The following SLCO3A1 variants were observed in gnomAD, a reference collection of about 807,000 sequenced individuals.
The protein encoded by SLCO3A1 is solute carrier organic anion transporter family member 3A1, also known as PGE1 transporter.
Under a neutral mutation model 63.1 loss-of-function variants are expected in SLCO3A1, and 27 were observed. That is an observed-to-expected ratio of 0.43 (90% CI 0.32 to 0.59). SLCO3A1 has a LOEUF of 0.59. Among genes scored for constraint, SLCO3A1 ranks in the 20% least tolerant of loss-of-function variants. The pLI is 0.09. For synonymous variants in SLCO3A1, 473 were observed against 409.9 expected, an observed-to-expected ratio of 1.15 and a Z score of -1.86; for missense variants, 773 against 945.8, an observed-to-expected ratio of 0.82 and a Z score of 2.40.
intron 2 of SLCO3A1, among the ~76,000 whole-genome samples, chr15:91,974,861 CTTCA>C (rs1901037719): frequency 1.3e-5 from 2 of 152,158 alleles, no homozygotes; most frequent in South Asian, 2.1e-4. Context: ...AAGACAGTTC[CTTCA>C]TTAAGAAAGC....
At position 92,103,556 on chromosome 15, in the gene SLCO3A1, C is replaced by T. The variant is rs569897341; in HGVS notation, c.746-723C>T. On this transcript the variant is annotated intron_variant, in intron 3 of 9. Transcript: ENST00000318445. ...ATTAATTAATGCATGGAAACAAAGG[C>T]CCCTCACCATAAATAACAGGCTACC... Among the ~76,000 whole-genome samples, 9 of 151,972 alleles carry T rather than the reference C, an allele frequency of 5.9e-5. No individual in the cohort carries two copies. In the South Asian group the frequency reaches 1.0e-3, roughly 18 times the overall value.
intron 2 of SLCO3A1, among the ~76,000 whole-genome samples, chr15:92,029,717 T>C (rs1166070669): frequency 1.3e-5 from 2 of 151,680 alleles, no homozygotes; most frequent in Non-Finnish European, 2.9e-5. Context: ...ACTGTGTAAA[T>C]GAATTATTTC....
chr15:91,911,167 G>A (rs1032004557), intron 1 of SLCO3A1, among the ~76,000 whole-genome samples: 1 of 152,186 alleles, frequency 6.6e-6, no homozygotes, highest in Non-Finnish European at 1.5e-5. Flanking sequence ...CTTTCCAGAA[G>A]GTGAGGCTCC....
At chr15:91,973,965 A>G (rs552434265) in intron 2 of SLCO3A1, among the ~76,000 whole-genome samples, 2 of 152,032 alleles carry the variant, frequency 1.3e-5, no homozygotes, top group African/African-American at 4.8e-5. Flanking sequence ...TTCTTTCTAC[A>G]TTTTCTATAT....
intron 8 of SLCO3A1, among the ~76,000 whole-genome samples, chr15:92,149,982 T>C (rs2048283291): frequency 6.6e-6 from 1 of 152,070 alleles, no homozygotes; most frequent in Non-Finnish European, 1.5e-5. Context: ...TTCTAAAGGG[T>C]GCTGACTGTG....
intron 8 of SLCO3A1, among the ~76,000 whole-genome samples, chr15:92,150,599 C>T (rs992297511): frequency 5.9e-5 from 9 of 151,868 alleles, no homozygotes; most frequent in African/African-American, 1.7e-4. Flanking sequence ...CCCCCCCATA[C>T]GTGTACCCCA....
At chr15:92,148,900 T>C (rs2048266931) in intron 8 of SLCO3A1, 1 of 152,234 alleles carries the variant, frequency 6.6e-6, no homozygotes, top group Non-Finnish European at 1.5e-5. Context: ...CTATTGAATT[T>C]AAAACTATTT....
chr15:91,924,160 C>T (rs1567188005), intron 2 of SLCO3A1, among the ~76,000 whole-genome samples: 1 of 152,158 alleles, frequency 6.6e-6, no homozygotes, highest in Non-Finnish European at 1.5e-5. Flanking sequence ...GCTCAGGGGT[C>T]ACAATCTTAA....
chr15:91,989,505 A>G (rs948885340), intron 2 of SLCO3A1, among the ~76,000 whole-genome samples: 1 of 152,236 alleles, frequency 6.6e-6, no homozygotes, highest in Non-Finnish European at 1.5e-5. Flanking sequence ...CTCAGTCTAT[A>G]AAAATGAATA....
intron 1 of SLCO3A1, among the ~76,000 whole-genome samples, chr15:91,906,137 T>A (rs1898300924): frequency 6.6e-6 from 1 of 152,226 alleles, no homozygotes; most frequent in African/African-American, 2.4e-5. Context: ...AGAGTAAGTG[T>A]GTCAGAATAC....
At chr15:91,922,022 A>G (rs1266534627) in intron 2 of SLCO3A1, among the ~76,000 whole-genome samples, 2 of 152,162 alleles carry the variant, frequency 1.3e-5, no homozygotes, top group Non-Finnish European at 2.9e-5. Flanking sequence ...GGCATGAGCC[A>G]CTGCGCCCGG....
At chr15:92,135,935 G>A (rs2048051724) in intron 7 of SLCO3A1, among the ~76,000 whole-genome samples, 1 of 152,140 alleles carries the variant, frequency 6.6e-6, no homozygotes, top group Non-Finnish European at 1.5e-5. Context: ...CAGGAGCTGA[G>A]GAGGGGAGGA....
intron 7 of SLCO3A1, among the ~76,000 whole-genome samples, chr15:92,144,165 C>G (rs2238352): frequency 0.35 from 52,988 of 152,126 alleles, 9,338 homozygotes; most frequent in East Asian, 0.43. Context: ...TTCTCTTTAC[C>G]CTTCACAGTT....
At chr15:92,125,995 C>T in intron 5 of SLCO3A1, 66 bp from the exon 6 acceptor site, 6 of 1,405,956 alleles carry the variant, frequency 4.3e-6, no homozygotes, top group Non-Finnish European at 6.0e-6. Context: ...AGGCCTGCTG[C>T]CCGCCTGTCT....
chr15:91,909,237 CA>C (rs1898408317), intron 1 of SLCO3A1, among the ~76,000 whole-genome samples: 1 of 152,280 alleles, frequency 6.6e-6, no homozygotes, highest in African/African-American at 2.4e-5. Flanking sequence ...TTATAGAGAT[CA>C]GGGGTTTGGC....
At chr15:92,158,005 C>T (rs1280853379) in intron 9 of SLCO3A1, among the ~76,000 whole-genome samples, 2 of 152,204 alleles carry the variant, frequency 1.3e-5, no homozygotes, top group African/African-American at 4.8e-5. Context: ...CACCAAAACT[C>T]CAGATGTGAA....
intron 6 of SLCO3A1, among the ~76,000 whole-genome samples, chr15:92,127,559 T>A (rs1448822991): frequency 6.6e-6 from 1 of 152,180 alleles, no homozygotes; most frequent in African/African-American, 2.4e-5. Context: ...GTCGCCATCG[T>A]CACCTTTATT....
intron 4 of SLCO3A1, among the ~76,000 whole-genome samples, chr15:92,116,529 G>C (rs1034390982): frequency 1.3e-5 from 2 of 152,232 alleles, no homozygotes; most frequent in Non-Finnish European, 2.9e-5. Flanking sequence ...CGGTAGGCGG[G>C]GGGTACATGG....
At chr15:91,924,092 G>A (rs6496869) in intron 2 of SLCO3A1, among the ~76,000 whole-genome samples, 58,240 of 152,098 alleles carry the variant, frequency 0.38, 11,352 homozygotes, top group East Asian at 0.52. Context: ...TCATGCAGAC[G>A]GGCTTTGGGC....
Sources: gnomAD v4.1 joint callset for allele counts (sites outside exome capture counted in the v4.1 genomes callset) on GRCh38, gnomAD v4.1.1 for gene constraint, MANE v1.5 for transcripts, NCBI Gene and HGNC (gene_info 2026-07-23, HGNC 2026-07-21) for gene names.